SGIP1: variants seen among roughly 807,000 people sequenced by gnomAD.
SGIP1 encodes SH3-containing GRB2-like protein 3-interacting protein 1.
SGIP1 carries 38 observed loss-of-function variants against 107.5 expected under a neutral mutation model. The ratio of observed to expected loss-of-function variants is 0.35; its 90% CI spans 0.27 to 0.46. SGIP1 has a LOEUF of 0.46. SGIP1 is among the 20% of genes least tolerant of loss of function. The probability of loss-of-function intolerance (pLI) is 1.00; values close to 1 mark genes in which losing one functional copy is unlikely to be tolerated. For synonymous variants in SGIP1, 365 were observed against 366.1 expected, an observed-to-expected ratio of 1.00 and a Z score of 0.03; for missense variants, 929 against 1,019.5, an observed-to-expected ratio of 0.91 and a Z score of 1.21.
chr1:66,613,612 G>A (rs747208859), intron 1 of SGIP1, among the ~76,000 whole-genome samples: 4 of 152,196 alleles, frequency 2.6e-5, no homozygotes, highest in Non-Finnish European at 5.9e-5. Context: ...TTACAGGCGT[G>A]AGCCACCTCA....
intron 24 of SGIP1, among the ~76,000 whole-genome samples, chr1:66,742,492 C>T (rs1186691864): frequency 1.0e-3 from 15 of 15,034 alleles, no homozygotes; most frequent in Admixed American, 8.2e-3. Flanking sequence ...TTTTTTGAGA[C>T]GGAGTCTCAC....
At chr1:66,561,941 T>A (rs1403632064) in intron 1 of SGIP1, among the ~76,000 whole-genome samples, 1 of 152,078 alleles carries the variant, frequency 6.6e-6, no homozygotes, top group East Asian at 1.9e-4. Context: ...GATTAAATTT[T>A]GCTTCCCGTT....
chr1:66,671,917 A>G, intron 10 of SGIP1, 27 bp from the exon 11 acceptor site: 1 of 1,612,288 alleles, frequency 6.2e-7, no homozygotes, highest in Middle Eastern at 1.7e-4. Context: ...AAATTTGTCT[A>G]AAAAGTTCCT....
In SGIP1 at chr1:66,672,773, A is replaced by G. The variant is rs536409206; in HGVS notation, c.561-508A>G. ...TTTCTGAGATTTACTATCTTGGAGT[A>G]TTAGGAGGTTACAACTAGTCTATTA... On this transcript the variant is annotated intron_variant, in intron 11 of 24. Transcript: ENST00000371037. Among the ~76,000 whole-genome samples, 4 of 152,144 alleles carry G rather than the reference A, an allele frequency of 2.6e-5. No homozygotes were observed. The South Asian group carries it at 8.3e-4, about 32-fold the overall frequency.
At chr1:66,549,934 T>A (rs150215226) in intron 1 of SGIP1, among the ~76,000 whole-genome samples, 1 of 152,142 alleles carries the variant, frequency 6.6e-6, no homozygotes, top group Non-Finnish European at 1.5e-5. Flanking sequence ...ACATCACAAC[T>A]GCCCTGTTGC....
rs932453134 is a variant in SGIP1 at position 66,745,354 on chromosome 1, A to G, written c.*2259A>G. Reference sequence around the variant, plus strand: ...TCAACAATTTCAAAATGATTGAACTATGAGTAACCAGAACCTCAATAGAAA... The same window carrying G: ...TCAACAATTTCAAAATGATTGAACTGTGAGTAACCAGAACCTCAATAGAAA... On this transcript the variant is annotated 3_prime_UTR_variant, in exon 25 of 25. Transcript: ENST00000371037. 1 of 152,088 alleles carries G rather than the reference A, an allele frequency of 6.6e-6. No individual in the cohort carries two copies. The highest frequency in any genetic ancestry group is 1.5e-5 in the Non-Finnish European group (1 of 67,908). The allele number at this position is 152,088 out of a possible 1,614,324, so 9.4% of individuals were successfully genotyped here. A position where few individuals can be genotyped will look rare whatever the true frequency, so the allele number is the denominator to read the frequency against.
intron 15 of SGIP1, among the ~76,000 whole-genome samples, chr1:66,682,610 G>A (rs553544889): frequency 1.9e-4 from 29 of 152,172 alleles, no homozygotes; most frequent in African/African-American, 5.8e-4. Flanking sequence ...TGCCATCCAC[G>A]CTGCAGTTAA....
chr1:66,547,833 G>C (rs1253666210), intron 1 of SGIP1, among the ~76,000 whole-genome samples: 1 of 152,066 alleles, frequency 6.6e-6, no homozygotes, highest in African/African-American at 2.4e-5. Flanking sequence ...GGCGGTGAAG[G>C]CTACTTTAAG....
At chr1:66,714,519 ATGGTAGTG>A (rs1288088653) in intron 18 of SGIP1, among the ~76,000 whole-genome samples, 1 of 152,114 alleles carries the variant, frequency 6.6e-6, no homozygotes, top group Non-Finnish European at 1.5e-5. Context: ...CATCTTGTAC[ATGGTAGTG>A]TCTCAGTAAA....
intron 1 of SGIP1, among the ~76,000 whole-genome samples, chr1:66,562,786 A>G (rs1374414639): frequency 1.3e-5 from 2 of 152,094 alleles, no homozygotes; most frequent in African/African-American, 4.8e-5. Flanking sequence ...GGAATTGCCC[A>G]GGAGGGGACA....
chr1:66,727,310 C>A (rs567202047), intron 19 of SGIP1, among the ~76,000 whole-genome samples: 1 of 152,162 alleles, frequency 6.6e-6, no homozygotes, highest in African/African-American at 2.4e-5. Context: ...TGCTGATGAT[C>A]CTTAGCCATT....
At chr1:66,588,179 A>G (rs1193039337) in intron 1 of SGIP1, among the ~76,000 whole-genome samples, 1 of 152,130 alleles carries the variant, frequency 6.6e-6, no homozygotes, top group African/African-American at 2.4e-5. Context: ...TTATTCTTTG[A>G]TTCGGGAGAT....
At chr1:66,710,590 T>C (rs1260264909) in intron 18 of SGIP1, among the ~76,000 whole-genome samples, 1 of 152,136 alleles carries the variant, frequency 6.6e-6, no homozygotes, top group Non-Finnish European at 1.5e-5. Context: ...AAATTAACAC[T>C]AGTGTCCATC....
At chr1:66,616,476 C>T (rs563524296) in intron 1 of SGIP1, among the ~76,000 whole-genome samples, 25 of 152,152 alleles carry the variant, frequency 1.6e-4, no homozygotes, top group African/African-American at 5.5e-4. Context: ...TTATTTAAAC[C>T]TTACAAAAAC....
At chr1:66,549,137 G>GCCTTCCTT (rs60834683) in intron 1 of SGIP1, among the ~76,000 whole-genome samples, 190 of 144,502 alleles carry the variant, frequency 1.3e-3, no homozygotes, top group African/African-American at 2.9e-3. Context: ...CTGGCTACCT[G>GCCTTCCTT]CCTTCCTTCC....
intron 9 of SGIP1, among the ~76,000 whole-genome samples, chr1:66,669,186 A>G (rs947829919): frequency 6.6e-6 from 1 of 152,212 alleles, no homozygotes; most frequent in African/African-American, 2.4e-5. Context: ...GAGATTGTTC[A>G]TTCATGAAGA....
chr1:66,651,392 G>A (rs2078713160), intron 7 of SGIP1, among the ~76,000 whole-genome samples: 1 of 152,156 alleles, frequency 6.6e-6, no homozygotes, highest in Non-Finnish European at 1.5e-5. Context: ...GCTAGTAACT[G>A]AAGTTGCTGG....
intron 2 of SGIP1, 24 bp downstream of exon 2, chr1:66,625,934 C>T: frequency 6.3e-7 from 1 of 1,596,818 alleles, no homozygotes; most frequent in Non-Finnish European, 8.6e-7. Context: ...GAGTTTGCCT[C>T]CTCGAAGAAG....
chr1:66,662,766 G>A (rs534650805), intron 8 of SGIP1, among the ~76,000 whole-genome samples: 2 of 152,232 alleles, frequency 1.3e-5, no homozygotes, highest in South Asian at 4.1e-4. Flanking sequence ...AAAATAAAAT[G>A]TTTTCCGCAT....
Sources: gnomAD v4.1 joint callset for allele counts (sites outside exome capture counted in the v4.1 genomes callset) on GRCh38, gnomAD v4.1.1 for gene constraint, MANE v1.5 for transcripts, NCBI Gene and HGNC (gene_info 2026-07-23, HGNC 2026-07-21) for gene names.